The following GNG12 variants were observed in gnomAD, a reference collection of about 807,000 sequenced individuals.
GNG12 encodes G protein subunit gamma 12, also known as guanine nucleotide-binding protein G(I)/G(S)/G(O) subunit gamma-12.
For synonymous variants in GNG12, 28 were observed against 29.7 expected, an observed-to-expected ratio of 0.94 and a Z score of 0.19; for missense variants, 69 against 83.8, an observed-to-expected ratio of 0.82 and a Z score of 0.69.
In GNG12 at chr1:67,739,729, C is replaced by T. The variant is rs182106182; in HGVS notation, c.-26-32017G>A. Among the ~76,000 whole-genome samples, 94 of 152,274 alleles carry T rather than the reference C, an allele frequency of 6.2e-4. 2 individuals are homozygous for T. The Middle Eastern group carries it at 0.017, about 28-fold the overall frequency. ...GAGTTATGTTCTTACTCCTACAAAC[C>T]AGAGCAGATCAGAGCTGGGCATAAA... On this transcript the variant is annotated intron_variant, in intron 2 of 3. Coordinates refer to ENST00000370982, the MANE Select transcript of GNG12 (RefSeq NM_018841.6).
intron 1 of GNG12, among the ~76,000 whole-genome samples, chr1:67,802,825 G>A (rs1646874335): frequency 6.6e-6 from 1 of 151,892 alleles, no homozygotes; most frequent in East Asian, 1.9e-4. Context: ...GCAAAGCTGG[G>A]TGTCTCTCTC....
chr1:67,792,465 A>G (rs902899727), intron 1 of GNG12, among the ~76,000 whole-genome samples: 1 of 152,100 alleles, frequency 6.6e-6, no homozygotes, highest in African/African-American at 2.4e-5. Flanking sequence ...TACCCCCTAG[A>G]TTCTGGTATC....
chr1:67,789,237 A>C (rs1348837133), intron 1 of GNG12, among the ~76,000 whole-genome samples: 1 of 152,226 alleles, frequency 6.6e-6, no homozygotes, highest in Non-Finnish European at 1.5e-5. Flanking sequence ...AGGAAACGTC[A>C]TCCAGGCTAA....
At chr1:67,804,804 G>A (rs1380401580) in intron 1 of GNG12, among the ~76,000 whole-genome samples, 1 of 152,074 alleles carries the variant, frequency 6.6e-6, no homozygotes, top group East Asian at 1.9e-4. Context: ...ACAAGTCAGG[G>A]AGTTAAAAAC....
intron 2 of GNG12, among the ~76,000 whole-genome samples, chr1:67,754,369 C>T (rs1283430550): frequency 1.3e-5 from 2 of 152,198 alleles, no homozygotes; most frequent in African/African-American, 4.8e-5. Flanking sequence ...GTCATCCAGG[C>T]AGCTGCCGAA....
At chr1:67,803,313 A>C (rs562357188) in intron 1 of GNG12, among the ~76,000 whole-genome samples, 3 of 152,336 alleles carry the variant, frequency 2.0e-5, no homozygotes, top group African/African-American at 7.2e-5. Flanking sequence ...TGGGAGTTCA[A>C]GACCAGCCTA....
intron 1 of GNG12, among the ~76,000 whole-genome samples, chr1:67,780,413 T>C (rs1646730961): frequency 6.6e-6 from 1 of 152,204 alleles, no homozygotes; most frequent in Admixed American, 6.6e-5. Context: ...TTTACTCTGG[T>C]GTCTCCTATA....
At position 67,710,138 on chromosome 1, in the gene GNG12, T is replaced by TTATATATATATAGTTA. The variant is rs1557592311; in HGVS notation, c.-26-2442_-26-2427dup. Among the ~76,000 whole-genome samples the TTATATATATATAGTTA allele has an allele frequency of 2.0e-3, 12 of 5,918 alleles. 1 individual carries two copies. The highest frequency in any genetic ancestry group is 6.7e-3 in the African/African-American group (12 of 1,802). The allele number at this position is 5,918 out of a possible 152,430, so 3.9% of individuals were successfully genotyped here. A position where few individuals can be genotyped will look rare whatever the true frequency, so the allele number is the denominator to read the frequency against. On this transcript the variant is annotated intron_variant, in intron 2 of 3. Coordinates refer to ENST00000370982, the MANE Select transcript of GNG12 (RefSeq NM_018841.6). ...GTTATATATATAGTTATATATATAG[T>TTATATATATATAGTTA]TATATATATATAGTTATATATATAT...
At position 67,822,516 on chromosome 1, in the gene GNG12, T is replaced by G. The variant is rs550518421; in HGVS notation, c.-77+10828A>C. On this transcript the variant is annotated intron_variant, in intron 1 of 3. Coordinates refer to ENST00000370982, the MANE Select transcript of GNG12 (RefSeq NM_018841.6). Reference sequence around the variant, plus strand: ...AGGTTAATATAACAATTGATTGAGATAAGTGCTAGAAGGAAAACAAAACAT... The same window carrying G: ...AGGTTAATATAACAATTGATTGAGAGAAGTGCTAGAAGGAAAACAAAACAT... 6.1e-4 allele frequency among the ~76,000 whole-genome samples: 93 copies of G among 152,222 alleles called. 2 individuals are homozygous for G. In the South Asian group the frequency reaches 0.018, roughly 30 times the overall value.
chr1:67,812,183 G>A (rs552277429), intron 1 of GNG12, among the ~76,000 whole-genome samples: 14 of 152,012 alleles, frequency 9.2e-5, no homozygotes, highest in Non-Finnish European at 2.1e-4. Flanking sequence ...TGGGCTGTGG[G>A]TTATTATTTT....
intron 1 of GNG12, among the ~76,000 whole-genome samples, chr1:67,780,927 T>C (rs1322527835): frequency 6.6e-6 from 1 of 152,194 alleles, no homozygotes; most frequent in African/African-American, 2.4e-5. Context: ...CTGAAAAATC[T>C]CCTTTGGCTG....
At chr1:67,785,904 T>G (rs528238081) in intron 1 of GNG12, among the ~76,000 whole-genome samples, 1 of 152,260 alleles carries the variant, frequency 6.6e-6, no homozygotes, top group East Asian at 1.9e-4. Context: ...CAGATAAAAC[T>G]TATTTCTCAA....
chr1:67,829,324 G>T (rs1570581895), intron 1 of GNG12, among the ~76,000 whole-genome samples: 1 of 152,282 alleles, frequency 6.6e-6, no homozygotes, highest in East Asian at 1.9e-4. Flanking sequence ...ATGGAATTGA[G>T]ATTTGGAAGA....
At chr1:67,734,564 G>A (rs1646441144) in intron 2 of GNG12, among the ~76,000 whole-genome samples, 1 of 152,174 alleles carries the variant, frequency 6.6e-6, no homozygotes, top group South Asian at 2.1e-4. Flanking sequence ...TAGCAGATAT[G>A]GGACTTGAAC....
At chr1:67,820,685 C>T (rs922806257) in intron 1 of GNG12, among the ~76,000 whole-genome samples, 2 of 152,176 alleles carry the variant, frequency 1.3e-5, no homozygotes, top group African/African-American at 4.8e-5. Flanking sequence ...TATAACCTTC[C>T]AAGCACAGTA....
intron 1 of GNG12, among the ~76,000 whole-genome samples, chr1:67,823,639 C>T (rs1384613722): frequency 6.6e-6 from 1 of 152,174 alleles, no homozygotes; most frequent in South Asian, 2.1e-4. Flanking sequence ...TGTGCAGAAA[C>T]CAGCTTAGCA....
intron 2 of GNG12, among the ~76,000 whole-genome samples, chr1:67,744,611 T>C (rs1646498757): frequency 6.6e-6 from 1 of 152,178 alleles, no homozygotes; most frequent in Non-Finnish European, 1.5e-5. Flanking sequence ...GAATCACACA[T>C]ATGTGACTGC....
At chr1:67,828,585 C>A (rs1157984387) in intron 1 of GNG12, among the ~76,000 whole-genome samples, 1 of 152,158 alleles carries the variant, frequency 6.6e-6, no homozygotes, top group Non-Finnish European at 1.5e-5. Flanking sequence ...TACAATTGTG[C>A]TGTAATTAGT....
chr1:67,706,929 G>A (rs1053506013), intron 3 of GNG12, among the ~76,000 whole-genome samples: 10 of 152,168 alleles, frequency 6.6e-5, no homozygotes, highest in Admixed American at 5.2e-4. Flanking sequence ...CAAAGTGCTG[G>A]GATTACAGGC....
Sources: gnomAD v4.1 joint callset for allele counts (sites outside exome capture counted in the v4.1 genomes callset) on GRCh38, gnomAD v4.1.1 for gene constraint, MANE v1.5 for transcripts, NCBI Gene and HGNC (gene_info 2026-07-23, HGNC 2026-07-21) for gene names.